The following HPN variants were observed in gnomAD, a reference collection of about 807,000 sequenced individuals.
HPN encodes hepsin.
In HPN, 13 loss-of-function variants were observed where a neutral mutation model predicts 55.9. That is an observed-to-expected ratio of 0.23 (90% CI 0.15 to 0.37). The LOEUF (loss-of-function observed/expected upper bound fraction) is 0.37. HPN is among the 10% of genes least tolerant of loss of function. HPN has a pLI of 1.00. For missense variants in HPN, 451 were observed against 575.8 expected (o/e 0.78, Z 2.22); for synonymous variants, 225 against 240.3 (o/e 0.94, Z 0.59).
chr19:35,057,497 T>C (rs2064467632), intron 4 of HPN, among the ~76,000 whole-genome samples: 1 of 151,910 alleles, frequency 6.6e-6, no homozygotes, highest in Non-Finnish European at 1.5e-5. Flanking sequence ...TTATACTATA[T>C]TATTAAAGTT....
At chr19:35,041,518 G>A (rs918593605), upstream of HPN, 163 of 512,196 alleles carry the variant, frequency 3.2e-4, 1 homozygote, top group Admixed American at 1.5e-3. Context: ...CCTCCGGCCA[G>A]GCCTGTCCCT....
chr19:35,056,352 G>A (rs2064455215), intron 4 of HPN, among the ~76,000 whole-genome samples: 1 of 152,132 alleles, frequency 6.6e-6, no homozygotes, highest in Admixed American at 6.5e-5. Flanking sequence ...ACAGGGGTCG[G>A]GGTTTTTGTC....
intron 2 of HPN, among the ~76,000 whole-genome samples, chr19:35,046,492 G>A (rs908867927): frequency 1.8e-4 from 28 of 152,242 alleles, no homozygotes; most frequent in African/African-American, 3.9e-4. Context: ...TGATCCACCT[G>A]CCTCAGCCTC....
intron 4 of HPN, among the ~76,000 whole-genome samples, chr19:35,056,504 A>T (rs1388469439): frequency 1.3e-5 from 2 of 152,094 alleles, no homozygotes; most frequent in Non-Finnish European, 1.5e-5. Flanking sequence ...GTGTGTGGGG[A>T]ACAGACTGAG....
intron 2 of HPN, among the ~76,000 whole-genome samples, chr19:35,042,925 G>A (rs1324506706): frequency 1.3e-5 from 2 of 152,198 alleles, no homozygotes; most frequent in Non-Finnish European, 2.9e-5. Flanking sequence ...GTGATCTGGT[G>A]CAAGTGACAT....
intron 4 of HPN, among the ~76,000 whole-genome samples, chr19:35,050,902 C>A (rs904845618): frequency 8.0e-6 from 1 of 125,312 alleles, no homozygotes; most frequent in Non-Finnish European, 1.6e-5. Context: ...TTTTTTCTTT[C>A]TTTCTTTCTT....
Position 35,066,005 on chromosome 19 carries a change from C to T in HPN, c.1188C>T (p.Phe396=). The stretch of plus-strand genomic sequence containing the variant: ...GCGTCTACACCAAAGTCAGTGACTT[C>T]CGGGAGTGGATCTTCCAGGCCATAA... ...KPGVYTKVSD[F]REWIFQAIKT... Residue 396 remains phenylalanine (F), a synonymous_variant, in exon 12 of 13, where the codon TTC becomes TTT. Coordinates refer to ENST00000672452, the MANE Select transcript of HPN (RefSeq NM_001384133.1). 2 of 1,612,060 alleles carry T rather than the reference C, an allele frequency of 1.2e-6. No homozygotes were observed. The highest frequency in any genetic ancestry group is 1.1e-5 in the South Asian group (1 of 91,088).
chr19:35,054,027 C>T (rs536316528), intron 4 of HPN, among the ~76,000 whole-genome samples: 2 of 152,354 alleles, frequency 1.3e-5, no homozygotes, highest in East Asian at 3.9e-4. Flanking sequence ...ATATGCTGGT[C>T]TGGGTTCAAG....
chr19:35,041,684 C>T, upstream of HPN: 1 of 1,089,430 alleles, frequency 9.2e-7, no homozygotes, highest in African/African-American at 1.7e-5. Context: ...CCCTCCCCGC[C>T]CCTTCACCCG....
intron 4 of HPN, among the ~76,000 whole-genome samples, chr19:35,058,761 C>T (rs570812663): frequency 1.3e-5 from 2 of 151,720 alleles, no homozygotes; most frequent in African/African-American, 2.4e-5. Flanking sequence ...TGTCTGTGTA[C>T]GTATAAAGTG....
At chr19:35,059,511 C>G in intron 4 of HPN, 162 bp from the exon 5 acceptor site, 1 of 884,274 alleles carries the variant, frequency 1.1e-6, no homozygotes, top group Admixed American at 2.0e-5. Flanking sequence ...AGTCATGATT[C>G]CAGATGCAAT....
chr19:35,059,890 G>C lies in HPN; in HGVS notation c.307G>C (p.Glu103Gln), dbSNP rs1052542450. 3.3e-6 allele frequency: 5 copies of C among 1,506,884 alleles called. No homozygotes were observed. Among genetic ancestry groups the C allele is most frequent in the Non-Finnish European group, 3.5e-6 (4 of 1,127,930 alleles). 93.3% of individuals were successfully genotyped at this position (1,506,884 alleles called of 1,614,324 possible). A position where few individuals can be genotyped will look rare whatever the true frequency, so the allele number is the denominator to read the frequency against. Residue 103 changes from glutamate to glutamine, a missense_variant, in exon 6 of 13, where the codon GAG (glutamate) becomes CAG (glutamine). Physicochemically the swap from Glu to Gln is conservative, Grantham distance 29. This residue lies in a region of HPN where 378 missense variants were observed against 445.5 expected (regional missense o/e 0.85). Coordinates refer to ENST00000672452, the MANE Select transcript of HPN (RefSeq NM_001384133.1). Reference sequence around the variant, plus strand: ...CCCGCCCAGGGCACTGACCCACTCCGAGCTGGACGTGCGAACGGCGGGCGC... The same window carrying C: ...CCCGCCCAGGGCACTGACCCACTCCCAGCTGGACGTGCGAACGGCGGGCGC... Reference protein sequence around the residue: ...MGFLRALTHSELDVRTAGANG... With the variant: ...MGFLRALTHSQLDVRTAGANG...
At chr19:35,048,023 A>G (rs2064359056) in intron 2 of HPN, among the ~76,000 whole-genome samples, 1 of 72,718 alleles carries the variant, frequency 1.4e-5, no homozygotes, top group Admixed American at 2.4e-4. Flanking sequence ...AGAGAGAGAG[A>G]GAGAAAAAGA....
At position 35,046,191 on chromosome 19, in the gene HPN, C is replaced by A. The variant is rs573333502; in HGVS notation, c.17-3099C>A. On this transcript the variant is annotated intron_variant, in intron 2 of 12. Transcript: ENST00000672452. Reference sequence around the variant, plus strand: ...TTGGGCTGGTCTGGCCCACTGGGGCCTCTTTTGGGGAAGAGAGTGTTTCCT... The same window carrying A: ...TTGGGCTGGTCTGGCCCACTGGGGCATCTTTTGGGGAAGAGAGTGTTTCCT... Among the ~76,000 whole-genome samples, 5 of 152,012 alleles carry A rather than the reference C, an allele frequency of 3.3e-5. No homozygotes were observed. In the South Asian group the frequency reaches 1.0e-3, roughly 32 times the overall value.
At chr19:35,046,240 G>C (rs1568355445) in intron 2 of HPN, among the ~76,000 whole-genome samples, 1 of 149,322 alleles carries the variant, frequency 6.7e-6, no homozygotes, top group Non-Finnish European at 1.5e-5. Flanking sequence ...GAGCCACTGA[G>C]CTTTCAATTT....
At chr19:35,041,693 C>G, upstream of HPN, 4 of 1,104,210 alleles carry the variant, frequency 3.6e-6, no homozygotes, top group Non-Finnish European at 4.5e-6. Flanking sequence ...CCCCTTCACC[C>G]GCCCCTCGCC....
intron 4 of HPN, among the ~76,000 whole-genome samples, chr19:35,052,388 C>T (rs567511809): frequency 3.9e-5 from 6 of 151,914 alleles, no homozygotes; most frequent in Admixed American, 1.3e-4. Context: ...ATTGGCCAGG[C>T]GTGGTGGCGG....
intron 4 of HPN, among the ~76,000 whole-genome samples, chr19:35,049,851 A>ATTTTTTTTTT: frequency 7.9e-6 from 1 of 125,904 alleles, no homozygotes; most frequent in African/African-American, 2.9e-5. Flanking sequence ...GGTTATGCTA[A>ATTTTTTTTTT]TTTTTGTTTG....
intron 9 of HPN, among the ~76,000 whole-genome samples, chr19:35,061,220 G>A (rs747084087): frequency 5.3e-5 from 8 of 152,158 alleles, no homozygotes; most frequent in African/African-American, 1.2e-4. Flanking sequence ...TATATTGACC[G>A]GGCGCGGTGG....
Sources: gnomAD v4.1 joint callset for allele counts (sites outside exome capture counted in the v4.1 genomes callset) on GRCh38, gnomAD v4.1.1 for gene constraint, gnomAD v4.1.1 regional missense constraint, MANE v1.5 for transcripts, NCBI Gene and HGNC (gene_info 2026-07-23, HGNC 2026-07-21) for gene names.